The following MTF1 variants were observed in gnomAD, a reference collection of about 807,000 sequenced individuals.
MTF1 encodes MRE-binding transcription factor.
In MTF1, 22 loss-of-function variants were observed where a neutral mutation model predicts 70.4. The observed-to-expected ratio is 0.31, with a 90% CI of 0.22 to 0.45. The LOEUF (loss-of-function observed/expected upper bound fraction) is 0.45, where lower values mean the gene tolerates loss of function less well. Ranked by LOEUF, MTF1 falls within the 20% of genes least tolerant of loss-of-function variation. The pLI is 1.00. For synonymous variants in MTF1, 333 were observed against 352.8 expected, an observed-to-expected ratio of 0.94 and a Z score of 0.63; for missense variants, 649 against 922.0, an observed-to-expected ratio of 0.70 and a Z score of 3.83.
rs1309303721 is a variant in MTF1, at chr1:37,811,294, G to A, written c.*3842C>T. On this transcript the variant is annotated 3_prime_UTR_variant, in exon 11 of 11. Transcript: ENST00000373036. The stretch of plus-strand genomic sequence containing the variant: ...GGCTTGCATAGATTGAGCGGTTGCT[G>A]AGAATGCATAATAGTGTTTCCCTAT... 3.9e-5 allele frequency: 6 copies of A among 152,702 alleles called. No individual in the cohort carries two copies. The East Asian group carries it at 1.2e-3, about 29-fold the overall frequency. 9.5% of individuals were successfully genotyped at this position (152,702 alleles called of 1,614,324 possible). A position where few individuals can be genotyped will look rare whatever the true frequency, so the allele number is the denominator to read the frequency against.
intron 7 of MTF1, chr1:37,826,624 CT>C (rs34242072): frequency 0.072 from 25,845 of 357,634 alleles, 37 homozygotes; most frequent in South Asian, 0.11. Context: ...TCAGTGATTC[CT>C]TTTTTTTTTT....
chr1:37,815,827 C>A lies in MTF1; in HGVS notation c.1832-261G>T, dbSNP rs1216085806. Among the ~76,000 whole-genome samples, 1 of 152,174 alleles carries A rather than the reference C, an allele frequency of 6.6e-6. No individual in the cohort carries two copies. The highest frequency in any genetic ancestry group is 1.5e-5 in the Non-Finnish European group (1 of 68,030). On this transcript the variant is annotated intron_variant, in intron 10 of 10. Transcript: ENST00000373036. The surrounding 1 kb of genome is among the most constrained non-coding windows in gnomAD (Gnocchi z 4.5). ...TAGATGCACCCTGTATTTCCAGCTT[C>A]ATTTCCAGTCATTCTCCATTGCACC...
At chr1:37,843,135 T>A (rs1183575680) in intron 2 of MTF1, among the ~76,000 whole-genome samples, 1 of 152,118 alleles carries the variant, frequency 6.6e-6, no homozygotes, top group Non-Finnish European at 1.5e-5. Context: ...TCCCTCCTCA[T>A]CTTCCATAGT....
chr1:37,832,256 T>C lies in MTF1; in HGVS notation c.1057A>G (p.Asn353Asp). 1 of 1,611,930 alleles carries C rather than the reference T, an allele frequency of 6.2e-7. No homozygotes were observed. Among genetic ancestry groups the C allele is most frequent in the Non-Finnish European group, 8.5e-7 (1 of 1,178,178 alleles). The change falls in exon 7 of 11, where the codon AAT becomes GAT. Residue 353 changes from asparagine (N) to aspartate (D), a missense_variant. By Grantham distance (23) the Asn-to-Asp change is conservative. Transcript: ENST00000373036. ...ACAGGTACACTTACCGTACTGGAATTTTCTCGCAATTCAGAATCTGTGGAC... is the reference window on the plus strand; with the variant it reads ...ACAGGTACACTTACCGTACTGGAATCTTCTCGCAATTCAGAATCTGTGGAC... Reference protein sequence around the residue: ...LLSTDSELRENSSTTQGQDLS... With the variant: ...LLSTDSELREDSSTTQGQDLS...
In MTF1 at chr1:37,822,306, G is replaced by A. The variant is rs1428174820; in HGVS notation, c.1582C>T (p.Pro528Ser). 1 of 1,613,874 alleles carries A rather than the reference G, an allele frequency of 6.2e-7. No individual in the cohort carries two copies. The highest frequency in any genetic ancestry group is 8.5e-7 in the Non-Finnish European group (1 of 1,179,932). The change falls in exon 9 of 11, where the codon CCC becomes TCC. Residue 528 changes from proline (P) to serine (S), a missense_variant. Physicochemically the swap from Pro to Ser is moderately conservative, Grantham distance 74 (BLOSUM62 -1). This residue lies in a region of MTF1 where 267 missense variants were observed against 292.1 expected (regional missense o/e 0.91). Coordinates refer to ENST00000373036, the MANE Select transcript of MTF1 (RefSeq NM_005955.3). ...AGAGTCTGGACCATGGCTGGCAGGGGCTCAGTAGTACTTTGTGGTGGGGCT... is the reference window on the plus strand; with the variant it reads ...AGAGTCTGGACCATGGCTGGCAGGGACTCAGTAGTACTTTGTGGTGGGGCT... ...APAPPQSTTE[P>S]LPAMVQTLPL...
intron 2 of MTF1, among the ~76,000 whole-genome samples, chr1:37,850,547 GA>G (rs1237771194): frequency 4.0e-5 from 6 of 148,950 alleles, no homozygotes; most frequent in South Asian, 4.2e-4. Context: ...GAGAGAAAGA[GA>G]AAAAAAAGGG....
chr1:37,857,370 T>G lies in MTF1; in HGVS notation c.289A>C (p.Ile97Leu). 6.2e-7 allele frequency: 1 copy of G among 1,614,182 alleles called. No individual in the cohort carries two copies. The highest frequency in any genetic ancestry group is 1.3e-5 in the African/African-American group (1 of 75,040). Reference protein sequence around the residue: ...EAMSQGYVQHIISPDQIHLTI... With the variant: ...EAMSQGYVQHLISPDQIHLTI... ...AAATGAATCTGATCTGGTGAGATAATGTGCTGCACATAACCCTGGGACATT... is the reference window on the plus strand; with the variant it reads ...AAATGAATCTGATCTGGTGAGATAAGGTGCTGCACATAACCCTGGGACATT... Residue 97 changes from isoleucine (I) to leucine (L), a missense_variant, in exon 2 of 11, where the codon ATT (isoleucine) becomes CTT (leucine). Ile to Leu is a conservative substitution (Grantham distance 5). Transcript: ENST00000373036.
At chr1:37,841,917 A>C (rs1318500159) in intron 2 of MTF1, among the ~76,000 whole-genome samples, 1 of 152,066 alleles carries the variant, frequency 6.6e-6, no homozygotes, top group African/African-American at 2.4e-5. Flanking sequence ...ACATGCCTAT[A>C]GTTCCAGCTA....
chr1:37,832,509 C>G (rs1641102340), intron 6 of MTF1, among the ~76,000 whole-genome samples, 187 bp from the exon 7 acceptor site: 1 of 152,120 alleles, frequency 6.6e-6, no homozygotes, highest in Non-Finnish European at 1.5e-5. Flanking sequence ...ACTTTATGTT[C>G]TAGGGTACAT....
intron 4 of MTF1, among the ~76,000 whole-genome samples, chr1:37,837,905 T>A (rs1171211894): frequency 6.6e-6 from 1 of 152,220 alleles, no homozygotes. Flanking sequence ...AAATGTCATA[T>A]AATCATCCCA....
chr1:37,857,138 A>T, intron 2 of MTF1, 113 bp downstream of exon 2: 4 of 1,035,692 alleles, frequency 3.9e-6, no homozygotes, highest in Non-Finnish European at 4.2e-6. Flanking sequence ...TAGCAAAACT[A>T]CTTAAGTCCT....
intron 1 of MTF1, chr1:37,858,619 C>G (rs2148426450): frequency 6.6e-6 from 1 of 152,244 alleles, no homozygotes; most frequent in East Asian, 1.9e-4. Context: ...CTGTGGTGGG[C>G]TCTCGTCCCT....
chr1:37,856,327 G>A (rs368772844), intron 2 of MTF1, among the ~76,000 whole-genome samples: 16 of 151,278 alleles, frequency 1.1e-4, no homozygotes, highest in African/African-American at 3.6e-4. Context: ...ACAGGCACCC[G>A]CCACTATGCC....
intron 2 of MTF1, among the ~76,000 whole-genome samples, chr1:37,856,540 C>T (rs1222625134): frequency 1.3e-5 from 2 of 149,276 alleles, no homozygotes; most frequent in Non-Finnish European, 3.0e-5. Flanking sequence ...CACTCTATCG[C>T]CCAGGCTGGA....
Position 37,815,508 on chromosome 1 carries a change from C to T in MTF1, c.1890G>A (p.Glu630=). 6.4e-7 allele frequency: 1 copy of T among 1,553,526 alleles called. No individual in the cohort carries two copies. The highest frequency in any genetic ancestry group is 1.2e-5 in the South Asian group (1 of 80,216). Residue 630 remains glutamate, a synonymous_variant, in exon 11 of 11, where the codon GAG becomes GAA. Coordinates refer to ENST00000373036, the MANE Select transcript of MTF1 (RefSeq NM_005955.3). The surrounding 1 kb of genome is among the most constrained non-coding windows in gnomAD (Gnocchi z 4.5). The part of the protein sequence containing the change: ...SVPVIIIKQE[E]ACQCQCACRD... ...GGCATGCACACTGACACTGACATGCCTCTTCTTGTTTGATGATGATCACAG... is the reference window on the plus strand; with the variant it reads ...GGCATGCACACTGACACTGACATGCTTCTTCTTGTTTGATGATGATCACAG...
chr1:37,849,511 T>A (rs904883320), intron 2 of MTF1, among the ~76,000 whole-genome samples: 6 of 152,188 alleles, frequency 3.9e-5, no homozygotes, highest in Non-Finnish European at 8.8e-5. Flanking sequence ...AATACTTTGG[T>A]GCATCATGTA....
intron 6 of MTF1, among the ~76,000 whole-genome samples, chr1:37,832,737 T>C (rs896434541): frequency 1.3e-5 from 2 of 152,210 alleles, no homozygotes; most frequent in Non-Finnish European, 2.9e-5. Context: ...CTGAGAGTGG[T>C]GGCTCACGCC....
At chr1:37,817,279 C>A in intron 10 of MTF1, 140 bp downstream of exon 10, 1 of 694,578 alleles carries the variant, frequency 1.4e-6, no homozygotes, top group Non-Finnish European at 2.6e-6. Flanking sequence ...ATACTCTAGC[C>A]AACAATACAA....
intron 7 of MTF1, 74 bp from the exon 8 acceptor site, chr1:37,823,886 G>A (rs1170173805): frequency 9.4e-7 from 1 of 1,060,954 alleles, no homozygotes; most frequent in Non-Finnish European, 1.4e-6. Context: ...CACATTCAAA[G>A]CAGCAGAACT....
Sources: gnomAD v4.1 joint callset for allele counts (sites outside exome capture counted in the v4.1 genomes callset) on GRCh38, gnomAD v4.1.1 for gene constraint, gnomAD v4.1.1 regional missense constraint, Gnocchi (gnomAD v3.1) non-coding constraint, MANE v1.5 for transcripts, NCBI Gene and HGNC (gene_info 2026-07-23, HGNC 2026-07-21) for gene names.